CPQ: variants seen among roughly 807,000 people sequenced by gnomAD.
CPQ encodes the protein carboxypeptidase Q, also known as Ser-Met dipeptidase.
CPQ carries 37 observed loss-of-function variants against 45.7 expected under a neutral mutation model. The observed-to-expected ratio is 0.81, with a 90% CI of 0.62 to 1.07. The LOEUF (loss-of-function observed/expected upper bound fraction) is 1.07, where lower values mean the gene tolerates loss of function less well. Ranked by LOEUF, CPQ falls within the 50% of genes least tolerant of loss-of-function variation. CPQ has a pLI of 0.00. For missense variants in CPQ, 537 were observed against 572.9 expected, an observed-to-expected ratio of 0.94 and a Z score of 0.64; for synonymous variants, 186 against 205.8, an observed-to-expected ratio of 0.90 and a Z score of 0.82.
chr8:96,952,590 AC>A (rs780713941), intron 4 of CPQ, among the ~76,000 whole-genome samples: 2 of 152,114 alleles, frequency 1.3e-5, no homozygotes, highest in Non-Finnish European at 2.9e-5. Context: ...TTCAGAAGGA[AC>A]CACCAAAATG....
chr8:96,762,398 A>G (rs903254392), intron 1 of CPQ, among the ~76,000 whole-genome samples: 1 of 152,208 alleles, frequency 6.6e-6, no homozygotes, highest in African/African-American at 2.4e-5. Context: ...CATGGGATTA[A>G]AAGAGAAAAT....
chr8:97,082,909 A>G (rs1810976234), intron 7 of CPQ, among the ~76,000 whole-genome samples: 1 of 152,196 alleles, frequency 6.6e-6, no homozygotes, highest in African/African-American at 2.4e-5. Flanking sequence ...ATGTTATCCA[A>G]GAATAAGGCA....
At chr8:97,130,952 T>C (rs1412132921) in intron 7 of CPQ, among the ~76,000 whole-genome samples, 1 of 152,162 alleles carries the variant, frequency 6.6e-6, no homozygotes, top group Non-Finnish European at 1.5e-5. Flanking sequence ...AGAGGCTGCG[T>C]TGAGCTGCCA....
At chr8:97,099,190 G>T (rs971230580) in intron 7 of CPQ, among the ~76,000 whole-genome samples, 1 of 134,132 alleles carries the variant, frequency 7.5e-6, no homozygotes, top group East Asian at 2.3e-4. Context: ...GAGTGCAGTG[G>T]CACGATCTCA....
At chr8:96,965,430 C>T (rs1012717168) in intron 4 of CPQ, among the ~76,000 whole-genome samples, 10 of 141,394 alleles carry the variant, frequency 7.1e-5, no homozygotes, top group South Asian at 4.3e-4. Context: ...AGTGCAGTGG[C>T]GCAATCTCAG....
intron 2 of CPQ, among the ~76,000 whole-genome samples, chr8:96,811,854 T>G (rs552264188): frequency 5.9e-5 from 9 of 152,320 alleles, no homozygotes; most frequent in Non-Finnish European, 1.2e-4. Flanking sequence ...CTTATGCTTA[T>G]TTATGGTACA....
At chr8:96,848,082 T>C (rs1811723307) in intron 3 of CPQ, among the ~76,000 whole-genome samples, 1 of 152,106 alleles carries the variant, frequency 6.6e-6, no homozygotes. Flanking sequence ...TCTGCCTGGG[T>C]GTCAACAGTA....
intron 5 of CPQ, among the ~76,000 whole-genome samples, chr8:96,966,669 G>A (rs558718146): frequency 1.3e-5 from 2 of 152,132 alleles, no homozygotes; most frequent in Non-Finnish European, 2.9e-5. Flanking sequence ...GGGGGGCCAG[G>A]GAAGCAGTTG....
intron 4 of CPQ, among the ~76,000 whole-genome samples, chr8:96,898,986 C>T (rs1335215771): frequency 2.0e-5 from 3 of 151,768 alleles, no homozygotes; most frequent in Non-Finnish European, 4.4e-5. Context: ...GTGGTGAGAA[C>T]GTCAAATGTG....
chr8:96,901,977 C>T (rs948756727), intron 4 of CPQ, among the ~76,000 whole-genome samples: 2 of 152,082 alleles, frequency 1.3e-5, no homozygotes, highest in South Asian at 2.1e-4. Context: ...TCATATTTGT[C>T]GTTCCAGGAA....
At chr8:96,938,531 A>T (rs10447959) in intron 4 of CPQ, among the ~76,000 whole-genome samples, 2 of 151,986 alleles carry the variant, frequency 1.3e-5, no homozygotes, top group Non-Finnish European at 2.9e-5. Context: ...CTGAAGGGGC[A>T]CAGAGAGGAA....
Position 97,019,513 on chromosome 8 carries a change from A to G in CPQ, c.962-9890A>G, listed in dbSNP as rs182722925. 2.2e-3 allele frequency among the ~76,000 whole-genome samples: 333 copies of G among 152,354 alleles called. 1 individual carries two copies. The highest frequency in any genetic ancestry group is 1.0e-2 in the South Asian group (48 of 4,824). ...AACACTTAAGTGCTCACATAAACTT[A>G]AGGTAAACGGATAGAAAAAGAGATT... On this transcript the variant is annotated intron_variant, in intron 5 of 7. Transcript: ENST00000220763.
chr8:96,950,781 G>A (rs1265284899), intron 4 of CPQ, among the ~76,000 whole-genome samples: 1 of 152,122 alleles, frequency 6.6e-6, no homozygotes, highest in Non-Finnish European at 1.5e-5. Context: ...CAATGCATTA[G>A]GACCTTCCTT....
At chr8:96,707,077 C>T (rs981681198) in intron 1 of CPQ, among the ~76,000 whole-genome samples, 19 of 152,062 alleles carry the variant, frequency 1.2e-4, no homozygotes, top group African/African-American at 4.3e-4. Context: ...ATAGTTTCCA[C>T]TTTTGATCTA....
chr8:97,044,417 C>A (rs1005493236), intron 6 of CPQ, among the ~76,000 whole-genome samples: 6 of 152,206 alleles, frequency 3.9e-5, no homozygotes, highest in South Asian at 2.1e-4. Context: ...AGCTTCTTTG[C>A]CTTTGGTTTG....
chr8:96,682,010 T>A (rs148107556), intron 1 of CPQ, among the ~76,000 whole-genome samples: 2 of 152,276 alleles, frequency 1.3e-5, no homozygotes, highest in East Asian at 3.9e-4. Flanking sequence ...TGCTTTTGAT[T>A]TTACAGGCTC....
chr8:96,768,787 G>A (rs967740372), intron 1 of CPQ, among the ~76,000 whole-genome samples: 2 of 152,172 alleles, frequency 1.3e-5, no homozygotes, highest in Non-Finnish European at 2.9e-5. Context: ...AAGATTCATT[G>A]AGGGTCTTTG....
At position 97,066,317 on chromosome 8, in the gene CPQ, G is replaced by A. The variant is rs184670123; in HGVS notation, c.1255+107G>A. 2.6e-4 allele frequency: 255 copies of A among 987,686 alleles called. 1 individual carries two copies. Among genetic ancestry groups the A allele is most frequent in the Non-Finnish European group, 3.5e-4 (237 of 677,164 alleles). The allele number at this position is 987,686 out of a possible 1,614,324, so 61.2% of individuals were successfully genotyped here. A position where few individuals can be genotyped will look rare whatever the true frequency, so the allele number is the denominator to read the frequency against. On this transcript the variant is annotated intron_variant, in intron 7 of 7. Transcript: ENST00000220763. ...AATACTAGTAGGCCAGGTTGTCCAC[G>A]GAAACCTTAAGCTTTTGTTCAAGGT...
chr8:96,862,463 A>T (rs1392737485), intron 3 of CPQ, among the ~76,000 whole-genome samples: 1 of 151,858 alleles, frequency 6.6e-6, no homozygotes, highest in Non-Finnish European at 1.5e-5. Context: ...TAGATAAAAT[A>T]AAAAAAATAA....
Sources: gnomAD v4.1 joint callset for allele counts (sites outside exome capture counted in the v4.1 genomes callset) on GRCh38, gnomAD v4.1.1 for gene constraint, MANE v1.5 for transcripts, NCBI Gene and HGNC (gene_info 2026-07-23, HGNC 2026-07-21) for gene names.